Variants in CCDC102B observed in about 807,000 individuals in gnomAD.
CCDC102B encodes the protein coiled-coil domain containing 102B.
In CCDC102B, 75 loss-of-function variants were observed where a neutral mutation model predicts 57.4. That is an observed-to-expected ratio of 1.31 (90% CI 1.08 to 1.58). CCDC102B has a LOEUF of 1.58. Among genes scored for constraint, CCDC102B ranks in the 40% most tolerant of loss-of-function variants. The probability of loss-of-function intolerance (pLI) is 0.00; values close to 1 mark genes in which losing one functional copy is unlikely to be tolerated. For synonymous variants in CCDC102B, 206 were observed against 201.9 expected (o/e 1.02, Z -0.17); for missense variants, 636 against 582.6 (o/e 1.09, Z -0.94).
At chr18:68,938,696 G>C (rs2049306180) in intron 6 of CCDC102B, among the ~76,000 whole-genome samples, 1 of 151,032 alleles carries the variant, frequency 6.6e-6, no homozygotes, top group East Asian at 1.9e-4. Flanking sequence ...TATATTCTTT[G>C]TTATAAATTT....
In CCDC102B at chr18:68,928,525, T is replaced by A. The variant is rs891862403; in HGVS notation, c.1263+31097T>A. On this transcript the variant is annotated intron_variant, in intron 6 of 7. Coordinates refer to ENST00000360242, the MANE Select transcript of CCDC102B (RefSeq NM_024781.3). ...GCTACCTCTGTCAAGCCATGCCAGA[T>A]GATAAAATGAAGAATAAAAGGCATG... Among the ~76,000 whole-genome samples, 5 of 151,764 alleles carry A rather than the reference T, an allele frequency of 3.3e-5. No homozygotes were observed. The East Asian group carries it at 9.8e-4, about 30-fold the overall frequency.
intron 2 of CCDC102B, chr18:68,753,685 A>G (rs1168817510): frequency 6.6e-6 from 1 of 151,882 alleles, no homozygotes; most frequent in Non-Finnish European, 1.5e-5. Flanking sequence ...CAGAATAGCT[A>G]GGACCAGAGG....
chr18:68,782,709 G>C (rs918079664), intron 2 of CCDC102B, among the ~76,000 whole-genome samples: 1 of 152,098 alleles, frequency 6.6e-6, no homozygotes, highest in East Asian at 1.9e-4. Flanking sequence ...AAAACTAAAT[G>C]AAATCTTGAG....
intron 6 of CCDC102B, among the ~76,000 whole-genome samples, chr18:68,950,353 A>G (rs2049661801): frequency 1.3e-5 from 2 of 152,118 alleles, no homozygotes; most frequent in African/African-American, 2.4e-5. Context: ...GGGCATTTGT[A>G]TACTTTGATA....
At chr18:68,865,923 A>G (rs2038957343) in intron 4 of CCDC102B, among the ~76,000 whole-genome samples, 1 of 152,160 alleles carries the variant, frequency 6.6e-6, no homozygotes, top group African/African-American at 2.4e-5. Context: ...AAAACACAAC[A>G]ACTCTAGTAA....
At chr18:68,951,597 C>T (rs1179899106) in intron 6 of CCDC102B, among the ~76,000 whole-genome samples, 1 of 151,996 alleles carries the variant, frequency 6.6e-6, no homozygotes, top group African/African-American at 2.4e-5. Context: ...CACTTGAGGT[C>T]AAGGGTTTGA....
At chr18:68,895,574 A>G (rs1160508985) in intron 5 of CCDC102B, among the ~76,000 whole-genome samples, 1 of 151,774 alleles carries the variant, frequency 6.6e-6, no homozygotes, top group Non-Finnish European at 1.5e-5. Context: ...AAAACAAGTA[A>G]TTTAGAATTT....
At chr18:68,813,154 G>A (rs2036334454) in intron 1 of CCDC102B, among the ~76,000 whole-genome samples, 4 of 151,956 alleles carry the variant, frequency 2.6e-5, no homozygotes, top group Admixed American at 2.6e-4. Context: ...TGATCTGCTT[G>A]TTTGATAAAT....
intron 1 of CCDC102B, among the ~76,000 whole-genome samples, chr18:68,803,496 A>G (rs1437258664): frequency 6.6e-6 from 1 of 152,206 alleles, no homozygotes; most frequent in Non-Finnish European, 1.5e-5. Flanking sequence ...AGGATGTAAG[A>G]TACTTAACCA....
intron 5 of CCDC102B, among the ~76,000 whole-genome samples, chr18:68,894,850 A>C (rs1336799526): frequency 6.6e-6 from 1 of 151,828 alleles, no homozygotes; most frequent in African/African-American, 2.4e-5. Flanking sequence ...AAGAGTTAAA[A>C]TTTATTCATT....
At chr18:68,867,829 C>CTGGG (rs764141973) in intron 4 of CCDC102B, among the ~76,000 whole-genome samples, 25,193 of 151,116 alleles carry the variant, frequency 0.17, 2,175 homozygotes, top group Admixed American at 0.19. Flanking sequence ...AGCTACTCGA[C>CTGGG]AGGCTGAGGC....
chr18:68,944,613 T>C (rs1443874466), intron 6 of CCDC102B, among the ~76,000 whole-genome samples: 1 of 146,092 alleles, frequency 6.8e-6, no homozygotes, highest in Non-Finnish European at 1.5e-5. Flanking sequence ...CCCAAAAGCC[T>C]TGCATACTGA....
intron 2 of CCDC102B, among the ~76,000 whole-genome samples, chr18:68,764,915 C>T (rs1471035101): frequency 6.6e-6 from 1 of 151,092 alleles, no homozygotes; most frequent in African/African-American, 2.4e-5. Context: ...GGCGTGGTGG[C>T]ACGGATCTGT....
chr18:68,760,323 C>T lies in CCDC102B; in HGVS notation c.-67+43729C>T, dbSNP rs556640. On this transcript the variant is annotated intron_variant, in intron 2 of 3. Transcript: ENST00000578970. ...ACCTGTAATATAGAGGAGTTTAAATCAGAGTGCAAGCTTTAAATTAGAATA... is the reference window on the plus strand; with the variant it reads ...ACCTGTAATATAGAGGAGTTTAAATTAGAGTGCAAGCTTTAAATTAGAATA... Among the ~76,000 whole-genome samples the T allele has an allele frequency of 5.8e-3, 887 of 152,066 alleles. 7 individuals carry two copies. The highest frequency in any genetic ancestry group is 0.044 in the East Asian group (225 of 5,172).
intron 4 of CCDC102B, among the ~76,000 whole-genome samples, chr18:68,848,126 A>G (rs1484313041): frequency 6.6e-6 from 1 of 151,908 alleles, no homozygotes; most frequent in Non-Finnish European, 1.5e-5. Flanking sequence ...ATAATGGGTT[A>G]TAACAGACAA....
intron 4 of CCDC102B, among the ~76,000 whole-genome samples, chr18:68,867,260 G>A (rs1399297294): frequency 6.6e-6 from 1 of 152,176 alleles, no homozygotes; most frequent in Admixed American, 6.5e-5. Flanking sequence ...GAAGTGCTGG[G>A]ATTACAGGCG....
intron 1 of CCDC102B, among the ~76,000 whole-genome samples, chr18:68,805,238 G>A (rs1052345319): frequency 1.3e-5 from 2 of 152,188 alleles, no homozygotes; most frequent in African/African-American, 4.8e-5. Context: ...GATAGCTAAT[G>A]TATGGGATTA....
intron 6 of CCDC102B, among the ~76,000 whole-genome samples, chr18:68,973,106 A>T (rs1307139956): frequency 6.6e-6 from 1 of 152,154 alleles, no homozygotes; most frequent in Non-Finnish European, 1.5e-5. Context: ...TCGCTACAGT[A>T]TGCATGGAGG....
At chr18:68,851,251 G>A (rs1188463935) in intron 4 of CCDC102B, among the ~76,000 whole-genome samples, 1 of 152,162 alleles carries the variant, frequency 6.6e-6, no homozygotes, top group Admixed American at 6.6e-5. Context: ...ATTAGTAAAT[G>A]AGTCTACTGC....
Sources: allele counts gnomAD v4.1 joint callset (sites outside exome capture counted in the v4.1 genomes callset), GRCh38; gene constraint gnomAD v4.1.1; transcripts MANE v1.5; gene names NCBI Gene and HGNC (gene_info 2026-07-23, HGNC 2026-07-21).